Variants in LRRC7 observed in about 807,000 individuals in gnomAD.
The protein encoded by LRRC7 is leucine-rich repeat-containing protein 7.
In LRRC7, 23 loss-of-function variants were observed where a neutral mutation model predicts 175.7. The ratio of observed to expected loss-of-function variants is 0.13; its 90% confidence interval spans 0.09 to 0.19. The LOEUF (loss-of-function observed/expected upper bound fraction) is 0.19. Ranked by LOEUF, LRRC7 falls within the 10% of genes least tolerant of loss-of-function variation. The pLI is 1.00. For missense variants in LRRC7, 1,354 were observed against 1,904.7 expected, an observed-to-expected ratio of 0.71 and a Z score of 5.38; for synonymous variants, 685 against 680.9, an observed-to-expected ratio of 1.01 and a Z score of -0.09.
intron 1 of LRRC7, among the ~76,000 whole-genome samples, chr1:69,675,438 A>G (rs1659634015): frequency 6.6e-6 from 1 of 152,190 alleles, no homozygotes; most frequent in Admixed American, 6.5e-5. Context: ...AGTAGTTTTC[A>G]TGTATTCCCC....
At chr1:69,701,156 T>G (rs1363522748) in intron 2 of LRRC7, among the ~76,000 whole-genome samples, 1 of 151,984 alleles carries the variant, frequency 6.6e-6, no homozygotes, top group Non-Finnish European at 1.5e-5. Flanking sequence ...CTCAATAAAC[T>G]CCTCTCTAAA....
At chr1:70,103,045 A>G (rs1664904844) in intron 25 of LRRC7, among the ~76,000 whole-genome samples, 1 of 152,042 alleles carries the variant, frequency 6.6e-6, no homozygotes. Flanking sequence ...CCTGGGCAAT[A>G]TGGCAAAACC....
chr1:70,063,541 A>C (rs975477021), intron 23 of LRRC7, among the ~76,000 whole-genome samples: 1 of 152,046 alleles, frequency 6.6e-6, no homozygotes, highest in Admixed American at 6.6e-5. Context: ...GAAGTTCTAC[A>C]TAACATGACA....
intron 7 of LRRC7, among the ~76,000 whole-genome samples, chr1:69,854,084 C>A (rs1482122169): frequency 1.3e-5 from 2 of 152,130 alleles, no homozygotes; most frequent in Non-Finnish European, 2.9e-5. Flanking sequence ...ATATTTGAAA[C>A]AAGGATAATT....
chr1:69,683,031 A>C (rs763978392), intron 2 of LRRC7, among the ~76,000 whole-genome samples: 1 of 152,144 alleles, frequency 6.6e-6, no homozygotes, highest in African/African-American at 2.4e-5. Flanking sequence ...GTTCATCCCA[A>C]TGTGCACTTG....
intron 25 of LRRC7, 136 bp downstream of exon 25, chr1:70,089,955 C>T (rs1663899464): frequency 3.5e-6 from 2 of 573,144 alleles, no homozygotes; most frequent in South Asian, 2.1e-5. Context: ...CAATTAGAAA[C>T]TTTTTCAGCA....
intron 8 of LRRC7, among the ~76,000 whole-genome samples, chr1:69,958,753 C>A (rs1650751535): frequency 6.6e-6 from 1 of 152,006 alleles, no homozygotes; most frequent in Non-Finnish European, 1.5e-5. Context: ...TAAATTCAGA[C>A]TAATTGTATC....
rs539862463 is a variant in LRRC7, at chr1:69,684,376, A to G, written c.100+5898A>G. ...AAAAAGATGGGTAGGGGAGATGAAG[A>G]GAAGGAGTAAAAGGAAGGAAAGAAA... is the stretch of plus-strand genomic sequence containing the variant. On this transcript the variant is annotated intron_variant, in intron 2 of 26. Transcript: ENST00000651989. Among the ~76,000 whole-genome samples, 3 of 152,260 alleles carry G rather than the reference A, an allele frequency of 2.0e-5. No individual in the cohort carries two copies. The South Asian group carries it at 6.2e-4, about 32-fold the overall frequency.
chr1:69,648,053 G>C (rs962891065), intron 1 of LRRC7, among the ~76,000 whole-genome samples: 2 of 151,910 alleles, frequency 1.3e-5, no homozygotes, highest in Non-Finnish European at 2.9e-5. Flanking sequence ...GAATTTTAAT[G>C]ATTCAATAAT....
intron 7 of LRRC7, chr1:69,874,344 A>T (rs1316274573): frequency 6.6e-6 from 1 of 152,170 alleles, no homozygotes; most frequent in African/African-American, 2.4e-5. Context: ...TAGAAGTAGG[A>T]TATATTTCAT....
intron 8 of LRRC7, among the ~76,000 whole-genome samples, chr1:69,937,201 T>C (rs1648131921): frequency 6.6e-6 from 1 of 152,174 alleles, no homozygotes; most frequent in Non-Finnish European, 1.5e-5. Flanking sequence ...TATGTGTGAC[T>C]AGTACTATGT....
chr1:69,592,443 A>C (rs530148371), intron 1 of LRRC7, among the ~76,000 whole-genome samples: 1 of 152,220 alleles, frequency 6.6e-6, no homozygotes, highest in East Asian at 1.9e-4. Context: ...GACTTTTTAG[A>C]AACACTTGAA....
chr1:69,848,922 ATGGATTTTAAAAAAAATCATT>A lies in LRRC7; in HGVS notation c.647+10641_647+10661del, dbSNP rs762760093. 7.9e-5 allele frequency among the ~76,000 whole-genome samples: 12 copies of A among 152,024 alleles called. No homozygotes were observed. In the South Asian group the frequency reaches 1.9e-3, roughly 24 times the overall value. On this transcript the variant is annotated intron_variant, in intron 7 of 26. Transcript: ENST00000651989. ...ATATGAGGTTATAGTTTGTCCTTTC[ATGGATTTTAAAAAAAATCATT>A]TTCTTACCAAACTAATTTTTCCATT...
chr1:69,686,782 G>A (rs1055573545), intron 2 of LRRC7, among the ~76,000 whole-genome samples: 1 of 151,990 alleles, frequency 6.6e-6, no homozygotes. Flanking sequence ...TGTAAATGGT[G>A]TAAATACCAT....
At chr1:69,888,148 A>T (rs973493310) in intron 7 of LRRC7, among the ~76,000 whole-genome samples, 1 of 144,300 alleles carries the variant, frequency 6.9e-6, no homozygotes, top group Non-Finnish European at 1.5e-5. Flanking sequence ...GGCTCCACCC[A>T]GTTTGAGCTT....
intron 1 of LRRC7, among the ~76,000 whole-genome samples, chr1:69,659,250 G>A (rs1429460896): frequency 6.6e-6 from 1 of 151,908 alleles, no homozygotes; most frequent in African/African-American, 2.4e-5. Flanking sequence ...GCAGAATGGA[G>A]AAGAGAGAAT....
chr1:70,011,996 T>C (rs1044751427), intron 12 of LRRC7, 70 bp downstream of exon 12: 111 of 1,106,730 alleles, frequency 1.0e-4, no homozygotes, highest in Non-Finnish European at 1.3e-4. Flanking sequence ...TCTTAACAGG[T>C]AGAATAGCAA....
At chr1:69,801,186 C>T (rs1582172) in intron 4 of LRRC7, among the ~76,000 whole-genome samples, 79,921 of 151,358 alleles carry the variant, frequency 0.53, 21,671 homozygotes, top group African/African-American at 0.66. Flanking sequence ...GTTTTATTGT[C>T]GTGTCCTTGT....
Position 70,023,270 on chromosome 1 carries a change from C to T in LRRC7, c.1690C>T (p.Leu564=). 1 of 1,613,554 alleles carries T rather than the reference C, an allele frequency of 6.2e-7. No individual in the cohort carries two copies. The highest frequency in any genetic ancestry group is 8.5e-7 in the Non-Finnish European group (1 of 1,179,664). The change falls in exon 17 of 27, where the codon CTG becomes TTG. Residue 564 remains leucine, a synonymous_variant. Transcript: ENST00000651989. ...GCCCGTCCCCCAGAATGACCCACAG[C>T]TGGCATGGGGTTGTATAAGTGGCCT... The part of the protein sequence containing the change: ...DMPVPQNDPQ[L]AWGCISGLQQ...
Sources: allele counts gnomAD v4.1 joint callset (sites outside exome capture counted in the v4.1 genomes callset), GRCh38; gene constraint gnomAD v4.1.1; transcripts MANE v1.5; gene names NCBI Gene and HGNC (gene_info 2026-07-23, HGNC 2026-07-21).